The following BRAP variants were observed in gnomAD, a reference collection of about 807,000 sequenced individuals.
BRAP encodes BRCA1 associated protein, also known as BRCA1-associated protein.
BRAP carries 42 observed loss-of-function variants against 73.4 expected under a neutral mutation model. The observed-to-expected ratio is 0.57, with a 90% CI of 0.45 to 0.74. The LOEUF is 0.74. Among genes scored for constraint, BRAP ranks in the 30% least tolerant of loss-of-function variants. BRAP has a pLI of 0.00. For synonymous variants in BRAP, 255 were observed against 267.4 expected, an observed-to-expected ratio of 0.95 and a Z score of 0.45; for missense variants, 593 against 751.4, an observed-to-expected ratio of 0.79 and a Z score of 2.46.
At chr12:111,652,545 C>A (rs995178666) in intron 10 of BRAP, among the ~76,000 whole-genome samples, 1 of 152,164 alleles carries the variant, frequency 6.6e-6, no homozygotes, top group Non-Finnish European at 1.5e-5. Flanking sequence ...AATATTGCTA[C>A]AGACAAATGT....
Position 111,644,256 on chromosome 12 carries a change from A to C in BRAP, c.1722T>G (p.Ser574=). 1 of 1,614,008 alleles carries C rather than the reference A, an allele frequency of 6.2e-7. No homozygotes were observed. Among genetic ancestry groups the C allele is most frequent in the Non-Finnish European group, 8.5e-7 (1 of 1,180,030 alleles). Residue 574 remains serine, a synonymous_variant, in exon 12 of 12, where the codon TCT becomes TCG. Coordinates refer to ENST00000419234, the MANE Select transcript of BRAP (RefSeq NM_006768.5). ...IAMASASSPA[S]SGGSGKLPSR... Reference sequence around the variant, plus strand: ...AGGGCAACTTCCCACTGCCCCCCGAAGAGGCAGGGCTCGAGGCCGAGGCCA... The same window carrying C: ...AGGGCAACTTCCCACTGCCCCCCGACGAGGCAGGGCTCGAGGCCGAGGCCA...
Position 111,681,778 on chromosome 12 carries a change from T to C in BRAP, c.302A>G (p.Gln101Arg). Residue 101 changes from glutamine (Q) to arginine (R), a missense_variant, in exon 3 of 12, where the codon CAA becomes CGA. Coordinates refer to ENST00000419234, the MANE Select transcript of BRAP (RefSeq NM_006768.5). The part of the protein sequence containing the change: ...RKSSEASPTA[Q>R]RSKDHSKECI... ...TTCCTTACTGTGATCTTTACTTCTT[T>C]GCGCAGTGGGGGAGGCTTCTGAAGA... 1 of 1,614,038 alleles carries C rather than the reference T, an allele frequency of 6.2e-7. No homozygotes were observed. The highest frequency in any genetic ancestry group is 8.5e-7 in the Non-Finnish European group (1 of 1,179,994).
chr12:111,678,056 C>T (rs1887452500), intron 4 of BRAP, among the ~76,000 whole-genome samples: 1 of 151,378 alleles, frequency 6.6e-6, no homozygotes, highest in Admixed American at 6.6e-5. Flanking sequence ...AGTTTGAGAC[C>T]AGCCTGACCA....
chr12:111,655,925 C>T (rs989668105), intron 9 of BRAP, among the ~76,000 whole-genome samples: 1 of 152,128 alleles, frequency 6.6e-6, no homozygotes, highest in African/African-American at 2.4e-5. Flanking sequence ...TAAGAAGAAC[C>T]ACAGTGGTTT....
intron 6 of BRAP, among the ~76,000 whole-genome samples, chr12:111,661,493 T>C (rs1485181826): frequency 2.0e-5 from 3 of 151,818 alleles, no homozygotes; most frequent in African/African-American, 7.3e-5. Flanking sequence ...TGGTCAGGCT[T>C]GTCTCAAACT....
intron 11 of BRAP, among the ~76,000 whole-genome samples, chr12:111,648,566 C>T (rs889085268): frequency 4.2e-5 from 6 of 143,586 alleles, no homozygotes; most frequent in African/African-American, 1.3e-4. Flanking sequence ...GAACTGAGAT[C>T]GCTCCACTGT....
intron 10 of BRAP, 85 bp from the exon 11 acceptor site, chr12:111,650,127 A>G (rs561144986): frequency 7.5e-4 from 724 of 966,200 alleles, no homozygotes; most frequent in Admixed American, 1.3e-3. Context: ...TTTCCCCCCA[A>G]TTATCTGTAT....
In BRAP at chr12:111,685,851, C is replaced by A. The variant is rs1388887257; in HGVS notation, c.-59G>T. 2.4e-6 allele frequency: 3 copies of A among 1,255,326 alleles called. No homozygotes were observed. Among genetic ancestry groups the A allele is most frequent in the Non-Finnish European group, 3.1e-6 (3 of 971,754 alleles). The allele number at this position is 1,255,326 out of a possible 1,614,324, so 77.8% of individuals were successfully genotyped here. ...GCTCAGGCGAGGCTGGAAGGCGAGC[C>A]GAGAGGCCGAGCGGCCCGGGGCCGG... On this transcript the variant is annotated 5_prime_UTR_variant, in exon 1 of 12. Transcript: ENST00000419234.
chr12:111,656,317 TAGA>T (rs990944259), intron 9 of BRAP, among the ~76,000 whole-genome samples: 4 of 152,310 alleles, frequency 2.6e-5, no homozygotes, highest in East Asian at 1.9e-4. Context: ...TGCTGACAGA[TAGA>T]AGAAGAACAG....
intron 3 of BRAP, among the ~76,000 whole-genome samples, chr12:111,680,898 G>A (rs1018388687): frequency 3.3e-5 from 5 of 152,154 alleles, no homozygotes; most frequent in Non-Finnish European, 2.9e-5. Context: ...GCTCTAGCAA[G>A]CTTTGTTTGA....
In BRAP at chr12:111,659,357, G is replaced by A; in HGVS notation, c.973-12C>T. On this transcript the variant is annotated splice_polypyrimidine_tract_variant and intron_variant, in intron 7 of 11. Coordinates refer to ENST00000419234, the MANE Select transcript of BRAP (RefSeq NM_006768.5). ...CAAATCCAAAGATTCTGCCGGAAGAGGTAAGATCTTAATTAGTTAAATAAA... is the reference window on the plus strand; with the variant it reads ...CAAATCCAAAGATTCTGCCGGAAGAAGTAAGATCTTAATTAGTTAAATAAA... 6.2e-7 allele frequency: 1 copy of A among 1,608,790 alleles called. No homozygotes were observed. Among genetic ancestry groups the A allele is most frequent in the Non-Finnish European group, 8.5e-7 (1 of 1,176,706 alleles).
chr12:111,660,579 T>C (rs1353248487), intron 7 of BRAP, 21 bp downstream of exon 7: 9 of 1,584,480 alleles, frequency 5.7e-6, no homozygotes, highest in Admixed American at 3.6e-5. Context: ...TCTTTGTTCT[T>C]TTCCATCACC....
intron 3 of BRAP, 109 bp from the exon 4 acceptor site, chr12:111,679,449 A>G: frequency 4.0e-6 from 3 of 751,606 alleles, no homozygotes; most frequent in Non-Finnish European, 5.7e-6. Flanking sequence ...AAATTGTAAT[A>G]TTTCATTAAT....
At chr12:111,653,199 A>G (rs1307721547) in intron 10 of BRAP, among the ~76,000 whole-genome samples, 1 of 152,176 alleles carries the variant, frequency 6.6e-6, no homozygotes, top group Non-Finnish European at 1.5e-5. Flanking sequence ...ATCTTATCTC[A>G]AAAAACAAAT....
intron 4 of BRAP, among the ~76,000 whole-genome samples, chr12:111,678,859 C>A (rs1592997351): frequency 6.6e-6 from 1 of 151,298 alleles, no homozygotes; most frequent in South Asian, 2.1e-4. Context: ...TGGCTCAGAG[C>A]ATCTGTAATC....
chr12:111,658,633 C>CT, intron 9 of BRAP, 103 bp downstream of exon 9: 2 of 999,500 alleles, frequency 2.0e-6, no homozygotes, highest in South Asian at 3.4e-5. Flanking sequence ...CATGACCAAA[C>CT]TTTAAAAAAA....
rs114224553 is a variant in BRAP at position 111,684,174 on chromosome 12, G to A, written c.83-867C>T. On this transcript the variant is annotated intron_variant, in intron 1 of 11. Transcript: ENST00000419234. Reference sequence around the variant, plus strand: ...CATGCTCTGTCAGGGCAGGGACAAGGCCTGTTTTGCCCACCACTGTATTCC... The same window carrying A: ...CATGCTCTGTCAGGGCAGGGACAAGACCTGTTTTGCCCACCACTGTATTCC... Among the ~76,000 whole-genome samples, 140 of 152,252 alleles carry A rather than the reference G, an allele frequency of 9.2e-4. 2 individuals carry two copies. The highest frequency in any genetic ancestry group is 3.2e-3 in the African/African-American group (135 of 41,550).
chr12:111,648,190 C>T (rs1331462267), intron 11 of BRAP, among the ~76,000 whole-genome samples: 3 of 148,740 alleles, frequency 2.0e-5, no homozygotes, highest in African/African-American at 7.5e-5. Flanking sequence ...CCTAGCTACT[C>T]GGGAGGCTGA....
At chr12:111,646,657 C>T (rs1355704657) in intron 11 of BRAP, among the ~76,000 whole-genome samples, 1 of 152,076 alleles carries the variant, frequency 6.6e-6, no homozygotes, top group Non-Finnish European at 1.5e-5. Context: ...CCTGTAATCC[C>T]AGCTACTCGG....
Sources: gnomAD v4.1 joint callset for allele counts (sites outside exome capture counted in the v4.1 genomes callset) on GRCh38, gnomAD v4.1.1 for gene constraint, MANE v1.5 for transcripts, NCBI Gene and HGNC (gene_info 2026-07-23, HGNC 2026-07-21) for gene names.